HTRA4: variants seen among roughly 807,000 people sequenced by gnomAD.
HTRA4 encodes HtrA serine peptidase 4, also known as serine protease HTRA4.
A neutral mutation model predicts 49.1 loss-of-function variants in HTRA4; 46 were observed. The ratio of observed to expected loss-of-function variants is 0.94; its 90% confidence interval spans 0.74 to 1.20. HTRA4 has a LOEUF of 1.20. HTRA4 is among the 50% of genes most tolerant of loss of function. The pLI is 0.00. For synonymous variants in HTRA4, 261 were observed against 264.0 expected, an observed-to-expected ratio of 0.99 and a Z score of 0.11; for missense variants, 602 against 636.9, an observed-to-expected ratio of 0.95 and a Z score of 0.59.
chr8:38,980,700 T>A (rs1835407535), intron 5 of HTRA4, among the ~76,000 whole-genome samples: 1 of 150,986 alleles, frequency 6.6e-6, no homozygotes, highest in African/African-American at 2.4e-5. Flanking sequence ...GTTGCACCAA[T>A]GCACTCCAGC....
rs1324382710 is a variant in HTRA4, at chr8:38,978,028, C to G, written c.847C>G (p.Pro283Ala). 1 of 1,614,108 alleles carries G rather than the reference C, an allele frequency of 6.2e-7. No individual in the cohort carries two copies. Among genetic ancestry groups the G allele is most frequent in the South Asian group, 1.1e-5 (1 of 91,060 alleles). The change falls in exon 4 of 9, where the codon CCA (proline) becomes GCA (alanine). Residue 283 changes from proline (P) to alanine (A), a missense_variant. Physicochemically the swap from Pro to Ala is conservative, Grantham distance 27. Transcript: ENST00000302495. ...AGAGTTTGTGGTGGCTTTGGGCAGC[C>G]CATTTTCTCTGCAGAACACAGCTAC... ...AGEFVVALGS[P>A]FSLQNTATAG...
intron 5 of HTRA4, among the ~76,000 whole-genome samples, chr8:38,980,774 A>G (rs1835409281): frequency 6.6e-6 from 1 of 151,846 alleles, no homozygotes; most frequent in Non-Finnish European, 1.5e-5. Context: ...TCTCTTTTTT[A>G]TCCTTTCCCA....
chr8:38,984,252 C>T (rs1386164198), intron 8 of HTRA4, among the ~76,000 whole-genome samples: 12 of 151,820 alleles, frequency 7.9e-5, no homozygotes, highest in Non-Finnish European at 1.0e-4. Context: ...CCACCCACCT[C>T]GGCCTCCCAC....
chr8:38,979,498 TG>T (rs1835393733), intron 5 of HTRA4, among the ~76,000 whole-genome samples: 1 of 152,144 alleles, frequency 6.6e-6, no homozygotes, highest in Non-Finnish European at 1.5e-5. Flanking sequence ...AGCTGTGGAA[TG>T]GTGCTTTTCT....
rs1835375440 is a variant in HTRA4 at position 38,978,100 on chromosome 8, A to T, written c.919A>T (p.Met307Leu). Residue 307 changes from methionine (M) to leucine (L), a missense_variant, in exon 4 of 9, where the codon ATG becomes TTG. By Grantham distance (15) the Met-to-Leu change is conservative. Coordinates refer to ENST00000302495, the MANE Select transcript of HTRA4 (RefSeq NM_153692.4). ...ACAGCGAGGGGGCAAAGAACTGGGG[A>T]TGAAGGATTCAGATATGGACTACGT... Reference protein sequence around the residue: ...TKQRGGKELGMKDSDMDYVQI... With the variant: ...TKQRGGKELGLKDSDMDYVQI... 3.1e-6 allele frequency: 5 copies of T among 1,614,040 alleles called. No individual in the cohort carries two copies. Among genetic ancestry groups the T allele is most frequent in the Non-Finnish European group, 4.2e-6 (5 of 1,180,010 alleles).
Position 38,974,720 on chromosome 8 carries a change from G to T in HTRA4, c.457G>T (p.Gly153Trp). 1 of 1,424,306 alleles carries T rather than the reference G, an allele frequency of 7.0e-7. No individual in the cohort carries two copies. The allele number at this position is 1,424,306 out of a possible 1,614,324, so 88.2% of individuals were successfully genotyped here. Reference sequence around the variant, plus strand: ...CGTGCCTGTGCAGTGGGGGAACTGCGGGGATACAGGTGAGCCGCGGGGGCG... The same window carrying T: ...CGTGCCTGTGCAGTGGGGGAACTGCTGGGATACAGGTGAGCCGCGGGGGCG... ...PAVPVQWGNC[G>W]DTGTRSAGPL... The change falls in exon 1 of 9, where the codon GGG (glycine) becomes TGG (tryptophan). Residue 153 changes from glycine (G) to tryptophan (W), a missense_variant. Coordinates refer to ENST00000302495, the MANE Select transcript of HTRA4 (RefSeq NM_153692.4).
intron 2 of HTRA4, 53 bp from the exon 3 acceptor site, chr8:38,976,482 T>G: frequency 1.3e-6 from 2 of 1,520,588 alleles, no homozygotes; most frequent in Admixed American, 3.3e-5. Flanking sequence ...ATTATATGGC[T>G]GTATCCCCTA....
chr8:38,976,730 T>C lies in HTRA4; in HGVS notation c.762T>C (p.Ile254=). 4 of 1,614,196 alleles carry C rather than the reference T, an allele frequency of 2.5e-6. No homozygotes were observed. Among genetic ancestry groups the C allele is most frequent in the Non-Finnish European group, 3.4e-6 (4 of 1,180,022 alleles). ...DLKLDLAVIK[I]ESNAELPVLM... The stretch of plus-strand genomic sequence containing the variant: ...AATTGGATCTTGCGGTGATTAAGAT[T>C]GAATCAAATGTGAGTATTTCAGGGC... Residue 254 remains isoleucine (I), a synonymous_variant, in exon 3 of 9, where the codon ATT becomes ATC. Transcript: ENST00000302495.
At chr8:38,978,763 G>A (rs552530806) in intron 4 of HTRA4, among the ~76,000 whole-genome samples, 1 of 151,718 alleles carries the variant, frequency 6.6e-6, no homozygotes, top group African/African-American at 2.4e-5. Context: ...TTGGGAGGCC[G>A]AAGGGGGTGG....
At chr8:38,979,091 G>A (rs764373121) in intron 4 of HTRA4, 124 bp from the exon 5 acceptor site, 103 of 868,406 alleles carry the variant, frequency 1.2e-4, no homozygotes, top group Non-Finnish European at 5.9e-5. Flanking sequence ...CAATTTTGCC[G>A]GCCTGGGGGG....
chr8:38,982,686 CAG>C, intron 7 of HTRA4, 131 bp downstream of exon 7: 2 of 800,814 alleles, frequency 2.5e-6, no homozygotes, highest in Non-Finnish European at 4.2e-6. Context: ...CTATCTGTCT[CAG>C]GGTATGTATC....
chr8:38,988,126 A>T lies in HTRA4; in HGVS notation c.*28A>T. 2.5e-6 allele frequency: 2 copies of T among 811,326 alleles called. No individual in the cohort carries two copies. Among genetic ancestry groups the T allele is most frequent in the South Asian group, 2.6e-5 (1 of 38,424 alleles). 50.3% of individuals were successfully genotyped at this position (811,326 alleles called of 1,614,324 possible). On this transcript the variant is annotated 3_prime_UTR_variant, in exon 9 of 9. Coordinates refer to ENST00000302495, the MANE Select transcript of HTRA4 (RefSeq NM_153692.4). ...ATCTTGTTTTAAAGTGGGATTATCT[A>T]AAAAAAAAAAAACCAGTTATATCAC...
At chr8:38,987,078 C>T (rs1344702459) in intron 8 of HTRA4, among the ~76,000 whole-genome samples, 1 of 148,704 alleles carries the variant, frequency 6.7e-6, no homozygotes, top group East Asian at 2.0e-4. Flanking sequence ...AGCGTCTCTT[C>T]ATATCCTCTT....
intron 3 of HTRA4, 38 bp downstream of exon 3, chr8:38,976,777 G>C (rs762984952): frequency 6.2e-7 from 1 of 1,603,176 alleles, no homozygotes. Flanking sequence ...CTACATATTT[G>C]GGGATTTTTA....
rs1008267325 is a variant in HTRA4, at chr8:38,975,052, T to C, written c.488T>C (p.Leu163Pro). 3 of 1,613,934 alleles carry C rather than the reference T, an allele frequency of 1.9e-6. No individual in the cohort carries two copies. Among genetic ancestry groups the C allele is most frequent in the Admixed American group, 3.3e-5 (2 of 59,992 alleles). ...ATAGGGACCAGAAGCGCAGGCCCGC[T>C]CAGGAGGAATTACAACTTCATCGCC... The part of the protein sequence containing the change: ...GDTGTRSAGP[L>P]RRNYNFIAAV... The change falls in exon 2 of 9, where the codon CTC becomes CCC. Residue 163 changes from leucine to proline, a missense_variant. Coordinates refer to ENST00000302495, the MANE Select transcript of HTRA4 (RefSeq NM_153692.4).
At chr8:38,975,172 G>T in intron 2 of HTRA4, 42 bp downstream of exon 2, 1 of 1,584,588 alleles carries the variant, frequency 6.3e-7, no homozygotes. Flanking sequence ...CCAGCTAATG[G>T]TTTCTGCGTG....
chr8:38,981,531 T>A (rs1835424419), intron 5 of HTRA4, 122 bp from the exon 6 acceptor site: 1 of 664,878 alleles, frequency 1.5e-6, no homozygotes. Context: ...AAGTACAAAG[T>A]TCCTCTCGGC....
At chr8:38,981,484 A>G (rs1208185543) in intron 5 of HTRA4, among the ~76,000 whole-genome samples, 169 bp from the exon 6 acceptor site, 1 of 151,942 alleles carries the variant, frequency 6.6e-6, no homozygotes, top group Non-Finnish European at 1.5e-5. Context: ...CCATCACACT[A>G]TTTGCCCTAT....
chr8:38,982,956 T>C lies in HTRA4; in HGVS notation c.1176T>C (p.Leu392=). 6.2e-7 allele frequency: 1 copy of C among 1,605,800 alleles called. No homozygotes were observed. Among genetic ancestry groups the C allele is most frequent in the South Asian group, 1.1e-5 (1 of 90,788 alleles). Residue 392 remains leucine, a synonymous_variant, in exon 8 of 9, where the codon CTT becomes CTC. Transcript: ENST00000302495. ...GLQMLSLTVP[L]SEELKMHYPD... The stretch of plus-strand genomic sequence containing the variant: ...CTAATCTTCTCACTTCTCTTAGCCT[T>C]AGTGAAGAATTGAAAATGCATTATC...
Sources: gnomAD v4.1 joint callset for allele counts (sites outside exome capture counted in the v4.1 genomes callset) on GRCh38, gnomAD v4.1.1 for gene constraint, MANE v1.5 for transcripts, NCBI Gene and HGNC (gene_info 2026-07-23, HGNC 2026-07-21) for gene names.